Variants in COL4A6 observed in about 807,000 individuals in gnomAD.
COL4A6 encodes collagen type IV alpha 6 chain, also known as collagen alpha-6(IV) chain.
Under a neutral mutation model 126.7 loss-of-function variants are expected in COL4A6, and 59 were observed. The observed-to-expected ratio is 0.47, with a 90% CI of 0.38 to 0.58. COL4A6 has a LOEUF of 0.58. COL4A6 is among the 20% of genes least tolerant of loss of function. The pLI is 0.00. For synonymous variants in COL4A6, 547 were observed against 496.6 expected (o/e 1.10, Z -1.35); for missense variants, 1,285 against 1,337.3 (o/e 0.96, Z 0.61).
At chrX:108,242,531 T>C (rs978917870) in intron 3 of COL4A6, among the ~76,000 whole-genome samples, 1 of 112,072 alleles carries the variant, frequency 8.9e-6, no homozygotes, top group Non-Finnish European at 1.9e-5. Context: ...TCTTAATAAA[T>C]AAATATTTGG....
At chrX:108,355,384 A>C (rs929411467) in intron 2 of COL4A6, among the ~76,000 whole-genome samples, 1 of 112,604 alleles carries the variant, frequency 8.9e-6, no homozygotes, top group African/African-American at 3.2e-5. Context: ...GTTCTTTGAC[A>C]GACAAGGTGC....
At chrX:108,325,522 C>G (rs1180140106) in intron 2 of COL4A6, among the ~76,000 whole-genome samples, 2 of 111,476 alleles carry the variant, frequency 1.8e-5, no homozygotes, top group East Asian at 5.6e-4. Context: ...TGATTTCTAC[C>G]AAACATTTAA....
intron 3 of COL4A6, among the ~76,000 whole-genome samples, chrX:108,241,293 G>A (rs1006742137): frequency 9.1e-6 from 1 of 109,334 alleles, no homozygotes; most frequent in Non-Finnish European, 1.9e-5. Context: ...TTATGAAGTA[G>A]GTACTATTAT....
chrX:108,165,183 T>G, intron 38 of COL4A6, 145 bp from the exon 39 acceptor site: 1 of 811,948 alleles, frequency 1.2e-6, no homozygotes, highest in Non-Finnish European at 1.8e-6. Context: ...GTGCCCAGAC[T>G]TTCCCAAACC....
intron 2 of COL4A6, among the ~76,000 whole-genome samples, chrX:108,354,636 G>A (rs1280301560): frequency 3.8e-5 from 3 of 78,391 alleles, no homozygotes; most frequent in African/African-American, 5.3e-5. Context: ...TAGCAAACTA[G>A]GCCTTTACCA....
At chrX:108,194,664 G>T in intron 15 of COL4A6, 77 bp from the exon 16 acceptor site, 1 of 966,512 alleles carries the variant, frequency 1.0e-6, no homozygotes, top group Non-Finnish European at 1.5e-6. Context: ...TTAAGCCAGG[G>T]CAAATGGCAC....
At chrX:108,402,401 C>T (rs891347634) in intron 2 of COL4A6, among the ~76,000 whole-genome samples, 11 of 110,803 alleles carry the variant, frequency 9.9e-5, no homozygotes, top group Admixed American at 8.6e-4. Context: ...TTTTTCCTTG[C>T]CAGAGGTTTT....
At chrX:108,171,514 T>C in intron 32 of COL4A6, 53 bp from the exon 33 acceptor site, 1 of 1,020,432 alleles carries the variant, frequency 9.8e-7, no homozygotes, top group South Asian at 2.0e-5. Flanking sequence ...TAGCTCATTT[T>C]GCACCACTGA....
chrX:108,412,077 A>G (rs2041342596), intron 2 of COL4A6, among the ~76,000 whole-genome samples: 1 of 111,674 alleles, frequency 9.0e-6, no homozygotes, highest in African/African-American at 3.3e-5. Flanking sequence ...CTTATCAGAG[A>G]AAAAGAAAAG....
intron 3 of COL4A6, among the ~76,000 whole-genome samples, chrX:108,224,497 G>A (rs2036109896): frequency 9.0e-6 from 1 of 111,098 alleles, no homozygotes; most frequent in Admixed American, 9.6e-5. Context: ...GGGCCTGTGG[G>A]AAGTTTCTAG....
chrX:108,362,640 G>C (rs112185933), intron 2 of COL4A6, among the ~76,000 whole-genome samples: 137 of 112,143 alleles, frequency 1.2e-3, no homozygotes, highest in African/African-American at 4.0e-3. Context: ...CTATTTATTG[G>C]TCCTTTGGAG....
At chrX:108,205,047 A>AG (rs1356866640) in intron 11 of COL4A6, among the ~76,000 whole-genome samples, 1 of 108,800 alleles carries the variant, frequency 9.2e-6, no homozygotes, top group Non-Finnish European at 1.9e-5. Flanking sequence ...GAAGTGGAGG[A>AG]GGGGGAGGAG....
chrX:108,190,919 T>A (rs1465169409), intron 19 of COL4A6, among the ~76,000 whole-genome samples: 2 of 111,928 alleles, frequency 1.8e-5, no homozygotes, highest in East Asian at 5.6e-4. Flanking sequence ...GAATCTAGAA[T>A]CTCACACTCA....
rs1055102856 is a variant in COL4A6 at position 108,435,832 on chromosome X, C to T, written c.63+2110G>A. 5.4e-5 allele frequency among the ~76,000 whole-genome samples: 6 copies of T among 111,907 alleles called. No individual in the cohort carries two copies. In the Admixed American group the frequency reaches 5.7e-4, roughly 11 times the overall value. ...AAAGAGACTTTCTCATAGCAAAACACAACATAGTTCCTGCCAATCTATTTT... is the reference window on the plus strand; with the variant it reads ...AAAGAGACTTTCTCATAGCAAAACATAACATAGTTCCTGCCAATCTATTTT... On this transcript the variant is annotated intron_variant, in intron 2 of 44. Coordinates refer to ENST00000334504, the MANE Select transcript of COL4A6 (RefSeq NM_033641.4).
intron 7 of COL4A6, among the ~76,000 whole-genome samples, chrX:108,210,215 G>T (rs1316419408): frequency 8.9e-6 from 1 of 112,543 alleles, no homozygotes; most frequent in African/African-American, 3.2e-5. Context: ...GACTGTAGAA[G>T]ACACATATTA....
chrX:108,387,648 A>C (rs1424043290), intron 2 of COL4A6, among the ~76,000 whole-genome samples: 1 of 111,953 alleles, frequency 8.9e-6, no homozygotes, highest in Non-Finnish European at 1.9e-5. Flanking sequence ...ATATACAATC[A>C]TGTCATCTAC....
At chrX:108,427,257 C>T (rs746579824) in intron 2 of COL4A6, among the ~76,000 whole-genome samples, 1 of 111,770 alleles carries the variant, frequency 8.9e-6, no homozygotes, top group Non-Finnish European at 1.9e-5. Flanking sequence ...CTTCCCCTTC[C>T]CTGTGCTCTG....
At position 108,164,993 on chromosome X, in the gene COL4A6, G is replaced by A. The variant is rs761686276; in HGVS notation, c.3854C>T (p.Ser1285Leu). The A allele has an allele frequency of 9.1e-6, 11 of 1,208,429 alleles. No homozygotes were observed. The highest frequency in any genetic ancestry group is 2.3e-4 in the Middle Eastern group (1 of 4,360). Residue 1285 changes from serine (S) to leucine (L), a missense_variant, in exon 39 of 45, where the codon TCG becomes TTG. By Grantham distance (145) the Ser-to-Leu change is moderately radical. Coordinates refer to ENST00000334504, the MANE Select transcript of COL4A6 (RefSeq NM_033641.4). The stretch of plus-strand genomic sequence containing the variant: ...AGGGTCTCCGGTGTCGCCTTGATTC[G>A]AGGATGGCCCAGGGGGACCTGGGGG... ...AGPPGPPGPSSNQGDTGDPGF... is the reference protein window; with the variant it reads ...AGPPGPPGPSLNQGDTGDPGF...
chrX:108,309,629 G>C (rs1190777517), intron 3 of COL4A6, among the ~76,000 whole-genome samples: 1 of 110,843 alleles, frequency 9.0e-6, no homozygotes, highest in East Asian at 2.8e-4. Flanking sequence ...AAGGTGGAAC[G>C]GTCACTGTGT....
Sources: gnomAD v4.1 joint callset for allele counts (sites outside exome capture counted in the v4.1 genomes callset) on GRCh38, gnomAD v4.1.1 for gene constraint, MANE v1.5 for transcripts, NCBI Gene and HGNC (gene_info 2026-07-23, HGNC 2026-07-21) for gene names.